DOCK5: variants seen among roughly 807,000 people sequenced by gnomAD.
DOCK5 encodes the protein dedicator of cytokinesis protein 5.
DOCK5 carries 142 observed loss-of-function variants against 251.8 expected under a neutral mutation model. The ratio of observed to expected loss-of-function variants is 0.56; its 90% confidence interval spans 0.49 to 0.65. DOCK5 has a LOEUF of 0.65. Ranked by LOEUF, DOCK5 falls within the 30% of genes least tolerant of loss-of-function variation. The pLI is 0.00. For synonymous variants in DOCK5, 842 were observed against 835.5 expected (o/e 1.01, Z -0.13); for missense variants, 2,111 against 2,312.3 (o/e 0.91, Z 1.79).
chr8:25,323,794 A>G (rs2117204500), intron 16 of DOCK5, 54 bp from the exon 17 acceptor site: 1 of 1,572,802 alleles, frequency 6.4e-7, no homozygotes, highest in Admixed American at 1.8e-5. Context: ...TGTCATAGCC[A>G]TCGCCTCCTG....
chr8:25,209,185 T>G lies in DOCK5; in HGVS notation c.43+24234T>G, dbSNP rs1802074220. Among the ~76,000 whole-genome samples the G allele has an allele frequency of 1.1e-4, 2 of 18,626 alleles. 1 individual carries two copies. Among genetic ancestry groups the G allele is most frequent in the South Asian group, 2.8e-3 (2 of 708 alleles). The allele number at this position is 18,626 out of a possible 152,430, so 12.2% of individuals were successfully genotyped here. A position where few individuals can be genotyped will look rare whatever the true frequency, so the allele number is the denominator to read the frequency against. On this transcript the variant is annotated intron_variant, in intron 1 of 51. Coordinates refer to ENST00000276440, the MANE Select transcript of DOCK5 (RefSeq NM_024940.8). ...GGAGGCTCAGAGCACATTAGCGCCGTCATCCCTGTCTGATGTTCTCACCAC... is the reference window on the plus strand; with the variant it reads ...GGAGGCTCAGAGCACATTAGCGCCGGCATCCCTGTCTGATGTTCTCACCAC...
chr8:25,326,828 G>A (rs1805575649), intron 18 of DOCK5, among the ~76,000 whole-genome samples: 1 of 152,164 alleles, frequency 6.6e-6, no homozygotes, highest in Non-Finnish European at 1.5e-5. Flanking sequence ...CAACCCAAAT[G>A]TCTGATAGTC....
intron 1 of DOCK5, among the ~76,000 whole-genome samples, chr8:25,220,651 G>A (rs950041879): frequency 1.5e-4 from 23 of 152,078 alleles, no homozygotes; most frequent in African/African-American, 2.7e-4. Flanking sequence ...TTGCTGTGTC[G>A]CCCAGGTTGG....
intron 26 of DOCK5, among the ~76,000 whole-genome samples, chr8:25,348,507 G>A (rs1374867848): frequency 2.0e-5 from 3 of 152,216 alleles, no homozygotes; most frequent in Non-Finnish European, 4.4e-5. Flanking sequence ...ACCCCCAGGA[G>A]CCCACCTTCT....
Position 25,382,685 on chromosome 8 carries a change from C to A in DOCK5, c.4038C>A (p.Ala1346=), listed in dbSNP as rs1586381856. 1 of 1,610,746 alleles carries A rather than the reference C, an allele frequency of 6.2e-7. No individual in the cohort carries two copies. Among genetic ancestry groups the A allele is most frequent in the Non-Finnish European group, 8.5e-7 (1 of 1,178,522 alleles). The change falls in exon 40 of 52, where the codon GCC becomes GCA. Residue 1346 remains alanine (A), a synonymous_variant. Coordinates refer to ENST00000276440, the MANE Select transcript of DOCK5 (RefSeq NM_024940.8). The part of the protein sequence containing the change: ...EGLGNLLKKR[A]SFYENIIKAM... ...GTTTTGTTTTCCAGAAAAAAAGGGC[C>A]TCATTTTATGAGAACATCATTAAGG...
At chr8:25,220,593 A>G (rs886550693) in intron 1 of DOCK5, among the ~76,000 whole-genome samples, 2 of 152,016 alleles carry the variant, frequency 1.3e-5, no homozygotes, top group African/African-American at 4.8e-5. Flanking sequence ...CTGAGGCCGG[A>G]ACATCTCTCA....
intron 1 of DOCK5, among the ~76,000 whole-genome samples, chr8:25,201,780 C>T (rs767379318): frequency 1.3e-5 from 2 of 152,132 alleles, no homozygotes; most frequent in Admixed American, 6.5e-5. Context: ...GTGGGCAGTA[C>T]GTGATAGCTA....
chr8:25,203,880 T>G (rs2117466194), intron 1 of DOCK5, among the ~76,000 whole-genome samples: 1 of 152,342 alleles, frequency 6.6e-6, no homozygotes, highest in South Asian at 2.1e-4. Flanking sequence ...TTGTAAAACC[T>G]TAGGAAAAGT....
intron 40 of DOCK5, among the ~76,000 whole-genome samples, chr8:25,387,819 G>A (rs1432199849): frequency 6.6e-6 from 1 of 152,072 alleles, no homozygotes; most frequent in African/African-American, 2.4e-5. Flanking sequence ...ATCTGTCTAT[G>A]CCCATCTAAG....
intron 5 of DOCK5, among the ~76,000 whole-genome samples, chr8:25,287,485 G>T (rs1031081036): frequency 6.6e-6 from 1 of 152,030 alleles, no homozygotes; most frequent in South Asian, 2.1e-4. Flanking sequence ...AGGTATCTCC[G>T]TATCTCCAAG....
At chr8:25,285,105 T>C (rs1411884572) in intron 5 of DOCK5, among the ~76,000 whole-genome samples, 3 of 152,182 alleles carry the variant, frequency 2.0e-5, no homozygotes, top group African/African-American at 7.2e-5. Context: ...TTTTTGGTGA[T>C]AGAAGGTATT....
chr8:25,292,183 C>A lies in DOCK5; in HGVS notation c.470+11C>A. On this transcript the variant is annotated intron_variant, in intron 6 of 51. Transcript: ENST00000276440. ...TGATCATGGGAACAGGTAGGTAAAC[C>A]AGGGATGGCTTTTCACTGAAAACTT... The A allele has an allele frequency of 6.4e-7, 1 of 1,553,840 alleles. No homozygotes were observed.
chr8:25,351,648 G>A, intron 26 of DOCK5, 83 bp from the exon 27 acceptor site: 1 of 1,087,050 alleles, frequency 9.2e-7, no homozygotes. Context: ...GAGATCTAAA[G>A]ACAAAACTCA....
At chr8:25,318,088 T>C (rs530532739) in intron 14 of DOCK5, among the ~76,000 whole-genome samples, 110 of 152,120 alleles carry the variant, frequency 7.2e-4, no homozygotes, top group African/African-American at 2.6e-3. Flanking sequence ...CTTTCTTTTG[T>C]TGCTGTTGTT....
At chr8:25,274,813 TTA>T (rs1346019342) in intron 3 of DOCK5, among the ~76,000 whole-genome samples, 1 of 150,192 alleles carries the variant, frequency 6.7e-6, no homozygotes, top group Admixed American at 6.8e-5. Context: ...TTTTTTTTTT[TTA>T]GCCAAATGCA....
At chr8:25,237,683 A>G (rs776379527) in intron 1 of DOCK5, among the ~76,000 whole-genome samples, 1 of 152,192 alleles carries the variant, frequency 6.6e-6, no homozygotes, top group African/African-American at 2.4e-5. Context: ...AGTGCTGTTC[A>G]TGGCAGCCAG....
chr8:25,190,046 C>G (rs1397808052), intron 1 of DOCK5, among the ~76,000 whole-genome samples: 1 of 152,162 alleles, frequency 6.6e-6, no homozygotes, highest in African/African-American at 2.4e-5. Flanking sequence ...GCCACCACGC[C>G]CGGCCAGTTT....
intron 13 of DOCK5, among the ~76,000 whole-genome samples, chr8:25,311,751 G>T (rs1228247345): frequency 6.7e-6 from 1 of 149,548 alleles, no homozygotes; most frequent in Non-Finnish European, 1.5e-5. Flanking sequence ...GTGAAACCCT[G>T]TCTCTATCAA....
intron 3 of DOCK5, among the ~76,000 whole-genome samples, chr8:25,274,184 A>G (rs1182626182): frequency 6.6e-6 from 1 of 152,236 alleles, no homozygotes; most frequent in African/African-American, 2.4e-5. Flanking sequence ...GTCAATGTTC[A>G]CTGGTTTCCT....
Sources: gnomAD v4.1 joint callset for allele counts (sites outside exome capture counted in the v4.1 genomes callset) on GRCh38, gnomAD v4.1.1 for gene constraint, MANE v1.5 for transcripts, NCBI Gene and HGNC (gene_info 2026-07-23, HGNC 2026-07-21) for gene names.